ARMC2: variants seen among roughly 807,000 people sequenced by gnomAD.
ARMC2 encodes the protein armadillo repeat-containing protein 2.
Under a neutral mutation model 90.3 loss-of-function variants are expected in ARMC2, and 67 were observed. That is an observed-to-expected ratio of 0.74 (90% confidence interval 0.61 to 0.91). The LOEUF is 0.91. ARMC2 is among the 40% of genes least tolerant of loss of function. The pLI, the probability that ARMC2 is intolerant of heterozygous loss-of-function variation, is 0.00. For missense variants in ARMC2, 920 were observed against 1,030.9 expected, an observed-to-expected ratio of 0.89 and a Z score of 1.47; for synonymous variants, 393 against 393.0, an observed-to-expected ratio of 1.00 and a Z score of 0.00.
At chr6:108,856,613 G>T in intron 2 of ARMC2, 1 of 196,700 alleles carries the variant, frequency 5.1e-6, no homozygotes, top group South Asian at 9.2e-5. Context: ...GCTCTTGTCT[G>T]ACGCTTTGAC....
At chr6:108,850,356 C>T (rs1022971001) in intron 1 of ARMC2, among the ~76,000 whole-genome samples, 18 of 152,146 alleles carry the variant, frequency 1.2e-4, no homozygotes. Context: ...CCCTCTGGCT[C>T]CCCTAGGTTT....
intron 12 of ARMC2, 82 bp downstream of exon 12, chr6:108,937,081 T>C (rs2768558): frequency 0.25 from 315,329 of 1,241,402 alleles, 41,518 homozygotes; most frequent in East Asian, 0.41. Context: ...GTCTTTATGT[T>C]TTGAGTATAT....
At chr6:108,881,226 TTC>T (rs902995547) in intron 5 of ARMC2, among the ~76,000 whole-genome samples, 4 of 150,408 alleles carry the variant, frequency 2.7e-5, no homozygotes, top group African/African-American at 1.0e-4. Flanking sequence ...TTTTCTTTCT[TTC>T]TGTCTTTCTC....
At chr6:109,009,256 G>A in the ARMC2 span, 1 of 1,089,764 alleles carries the variant, frequency 9.2e-7, no homozygotes, top group Non-Finnish European at 1.2e-6. Flanking sequence ...GACCGGGAGC[G>A]ACTGTGAGGA....
the ARMC2 span, among the ~76,000 whole-genome samples, chr6:109,021,355 G>A: frequency 1.3e-5 from 2 of 152,086 alleles, no homozygotes; most frequent in African/African-American, 2.4e-5. Context: ...GTATAGATGT[G>A]TATTTCCCCC....
intron 12 of ARMC2, among the ~76,000 whole-genome samples, chr6:108,951,595 T>G (rs975087148): frequency 1.3e-5 from 2 of 152,214 alleles, no homozygotes; most frequent in Non-Finnish European, 2.9e-5. Flanking sequence ...TTTTGGATTT[T>G]TTAGCAAGAA....
intron 5 of ARMC2, among the ~76,000 whole-genome samples, chr6:108,877,944 G>A (rs954704629): frequency 1.1e-4 from 16 of 152,106 alleles, no homozygotes; most frequent in African/African-American, 3.4e-4. Flanking sequence ...TTGTTAGGAC[G>A]GCTTTTGCAT....
rs1463956877 is a variant in ARMC2, at chr6:108,912,578, A to G, written c.1350+20A>G. 1.9e-6 allele frequency: 3 copies of G among 1,581,006 alleles called. No individual in the cohort carries two copies. The highest frequency in any genetic ancestry group is 1.7e-4 in the Middle Eastern group (1 of 5,816). ...GTCCAGGTAAGTATTTTACTTGAAA[A>G]CGTTAGATGTGTAAAATTAGTTTTC... is the stretch of plus-strand genomic sequence containing the variant. On this transcript the variant is annotated intron_variant, in intron 10 of 17. Coordinates refer to ENST00000392644, the MANE Select transcript of ARMC2 (RefSeq NM_032131.6).
At chr6:108,865,412 T>G (rs1775717118) in intron 3 of ARMC2, among the ~76,000 whole-genome samples, 2 of 152,252 alleles carry the variant, frequency 1.3e-5, no homozygotes, top group Non-Finnish European at 2.9e-5. Flanking sequence ...AAGAACATTT[T>G]GTAGAACTTG....
chr6:108,868,821 C>T lies in ARMC2; in HGVS notation c.292-3C>T, dbSNP rs1240615821. ...CCAGTTATTTAAAAAAATCTCTTTC[C>T]AGAAACCGAAAGTTCCAGCATCTCC... On this transcript the variant is annotated splice_polypyrimidine_tract_variant and splice_region_variant and intron_variant, in intron 3 of 17. Coordinates refer to ENST00000392644, the MANE Select transcript of ARMC2 (RefSeq NM_032131.6). 1.2e-6 allele frequency: 2 copies of T among 1,610,706 alleles called. No individual in the cohort carries two copies. The highest frequency in any genetic ancestry group is 1.1e-5 in the South Asian group (1 of 90,702).
At chr6:108,893,091 T>C (rs1771252857) in intron 5 of ARMC2, among the ~76,000 whole-genome samples, 1 of 152,252 alleles carries the variant, frequency 6.6e-6, no homozygotes, top group African/African-American at 2.4e-5. Flanking sequence ...TAAGTACTTC[T>C]AAGTGTCAGC....
chr6:108,969,484 G>A (rs772648556), intron 17 of ARMC2, among the ~76,000 whole-genome samples: 8 of 152,156 alleles, frequency 5.3e-5, no homozygotes, highest in Non-Finnish European at 1.0e-4. Context: ...TGTGCCTAAA[G>A]AAAGCTTAAG....
chr6:108,975,011 T>C (rs1314250763), downstream of ARMC2, among the ~76,000 whole-genome samples: 2 of 152,096 alleles, frequency 1.3e-5, no homozygotes, highest in African/African-American at 4.8e-5. Flanking sequence ...CTTTTTTTTT[T>C]TCTTAATTAT....
the ARMC2 span, among the ~76,000 whole-genome samples, chr6:108,997,277 T>C: frequency 6.6e-6 from 1 of 152,230 alleles, no homozygotes; most frequent in Non-Finnish European, 1.5e-5. Context: ...AAGTACTTTT[T>C]TCTTTAGCCT....
At chr6:109,009,793 A>G in the ARMC2 span, among the ~76,000 whole-genome samples, 1 of 152,050 alleles carries the variant, frequency 6.6e-6, no homozygotes, top group African/African-American at 2.4e-5. Context: ...GAGGGCCGCG[A>G]GGTGAGCGTG....
the ARMC2 span, among the ~76,000 whole-genome samples, chr6:109,051,554 A>G: frequency 6.6e-6 from 1 of 152,200 alleles, no homozygotes; most frequent in Admixed American, 6.5e-5. Flanking sequence ...AAAGTATGAA[A>G]AACACTTAAA....
At chr6:108,972,375 G>A (rs1173129166) in intron 17 of ARMC2, among the ~76,000 whole-genome samples, 1 of 152,186 alleles carries the variant, frequency 6.6e-6, no homozygotes, top group Non-Finnish European at 1.5e-5. Context: ...GAGAGAGTTT[G>A]GGGGTGGAAA....
chr6:108,908,740 G>A (rs973559087), intron 8 of ARMC2, among the ~76,000 whole-genome samples: 1 of 151,924 alleles, frequency 6.6e-6, no homozygotes, highest in Non-Finnish European at 1.5e-5. Context: ...GAAAGAGCAA[G>A]ACCCTGTCTC....
chr6:108,973,107 G>C (rs1778870396), intron 17 of ARMC2, among the ~76,000 whole-genome samples: 1 of 152,144 alleles, frequency 6.6e-6, no homozygotes, highest in Admixed American at 6.5e-5. Flanking sequence ...TGGGAGGATT[G>C]CTTGAGGTCA....
Sources: allele counts gnomAD v4.1 joint callset (sites outside exome capture counted in the v4.1 genomes callset), GRCh38; gene constraint gnomAD v4.1.1; transcripts MANE v1.5; gene names NCBI Gene and HGNC (gene_info 2026-07-23, HGNC 2026-07-21).